The following ZDHHC11B variants were observed in gnomAD, a reference collection of about 807,000 sequenced individuals.
The protein encoded by ZDHHC11B is zDHHC palmitoyltransferase 11B (putative), also known as probable palmitoyltransferase ZDHHC11B.
Under a neutral mutation model 42.3 loss-of-function variants are expected in ZDHHC11B, and 17 were observed. The observed-to-expected ratio is 0.40, with a 90% CI of 0.27 to 0.60. ZDHHC11B has a LOEUF of 0.60. Among genes scored for constraint, ZDHHC11B ranks in the 20% least tolerant of loss-of-function variants. The pLI is 0.41. For missense variants in ZDHHC11B, 262 were observed against 463.2 expected (o/e 0.57, Z 3.99); for synonymous variants, 123 against 193.5 (o/e 0.64, Z 3.02).
intron 1 of ZDHHC11B, among the ~76,000 whole-genome samples, chr5:777,605 T>C (rs1400301713): frequency 6.6e-6 from 1 of 151,942 alleles, no homozygotes; most frequent in Middle Eastern, 3.2e-3. Flanking sequence ...CCCACCCACA[T>C]CCTGCTGATT....
At position 749,300 on chromosome 5, in the gene ZDHHC11B, A is replaced by G. The variant is rs1299743758; in HGVS notation, c.629-741T>C. ...TCCTCTGTGACACTGGGCTGCCAAC[A>G]CTCAAAACCACAACACTTCCAAAAA... On this transcript the variant is annotated intron_variant, in intron 7 of 13. Transcript: ENST00000508859. 3.1e-5 allele frequency among the ~76,000 whole-genome samples: 4 copies of G among 130,384 alleles called. 2 individuals carry two copies. The highest frequency in any genetic ancestry group is 6.8e-5 in the Non-Finnish European group (4 of 58,584). The allele number at this position is 130,384 out of a possible 152,430, so 85.5% of individuals were successfully genotyped here. A position where few individuals can be genotyped will look rare whatever the true frequency, so the allele number is the denominator to read the frequency against.
Position 756,828 on chromosome 5 carries a change from C to T in ZDHHC11B, c.223-684G>A, listed in dbSNP as rs150849215. On this transcript the variant is annotated intron_variant, in intron 4 of 13. Transcript: ENST00000508859. The stretch of plus-strand genomic sequence containing the variant: ...GACCCCAGACGGCTCACTGACGGAC[C>T]CTCTCCCCGAGACTTGCTCAGGGAA... Among the ~76,000 whole-genome samples the T allele has an allele frequency of 2.2e-3, 327 of 151,370 alleles. 1 individual carries two copies. Among genetic ancestry groups the T allele is most frequent in the African/African-American group, 7.1e-3 (292 of 41,044 alleles).
Position 747,784 on chromosome 5 carries a change from C to T in ZDHHC11B, c.784+620G>A, listed in dbSNP as rs1328995328. ...CCACCACTGCCCAGAGAATGGAAGA[C>T]GCTTTGCAGCTGGCCCACCATGACC... is the stretch of plus-strand genomic sequence containing the variant. On this transcript the variant is annotated intron_variant, in intron 8 of 13. Coordinates refer to ENST00000508859, the MANE Select transcript of ZDHHC11B (RefSeq NM_001351303.2). 34 of 178,716 alleles carry T rather than the reference C, an allele frequency of 1.9e-4. 1 individual carries two copies. Among genetic ancestry groups the T allele is most frequent in the East Asian group, 6.7e-4 (4 of 5,970 alleles). 11.1% of individuals were successfully genotyped at this position (178,716 alleles called of 1,614,324 possible). A position where few individuals can be genotyped will look rare whatever the true frequency, so the allele number is the denominator to read the frequency against.
At chr5:755,590 A>C in intron 5 of ZDHHC11B, among the ~76,000 whole-genome samples, 1 of 129,856 alleles carries the variant, frequency 7.7e-6, no homozygotes, top group Non-Finnish European at 1.7e-5. Flanking sequence ...TTGTCTTGAA[A>C]CTCCCCAAGA....
chr5:783,113 TGCCGGC>T (rs1326821047), intron 1 of ZDHHC11B, among the ~76,000 whole-genome samples: 1 of 152,204 alleles, frequency 6.6e-6, no homozygotes, highest in Non-Finnish European at 1.5e-5. Flanking sequence ...AGCGAGTTCA[TGCCGGC>T]GCCTTTCTGA....
chr5:727,546 G>A (rs1385530881), intron 12 of ZDHHC11B, among the ~76,000 whole-genome samples: 3 of 137,090 alleles, frequency 2.2e-5, no homozygotes, highest in African/African-American at 8.0e-5. Context: ...GTGACTGTCG[G>A]ACATTAAAAT....
chr5:754,303 C>CCCCTAT (rs1746250673), intron 6 of ZDHHC11B, among the ~76,000 whole-genome samples: 2 of 128,336 alleles, frequency 1.6e-5, no homozygotes, highest in Non-Finnish European at 1.7e-5. Flanking sequence ...AAACACCTCT[C>CCCCTAT]GCCTATGAGC....
At chr5:725,032 A>G (rs1742473267) in intron 12 of ZDHHC11B, among the ~76,000 whole-genome samples, 1 of 150,328 alleles carries the variant, frequency 6.7e-6, no homozygotes, top group South Asian at 2.1e-4. Flanking sequence ...GTGTCCCCAG[A>G]TTCACAGGCT....
rs374058037 is a variant in ZDHHC11B at position 763,698 on chromosome 5, T to C, written c.222+3000A>G. On this transcript the variant is annotated intron_variant, in intron 4 of 13. Transcript: ENST00000508859. ...CATCTGTAGAGACTTGTTTCGAAAA[T>C]TGGGGAAATGGCCACATGGATAAGA... Among the ~76,000 whole-genome samples the C allele has an allele frequency of 2.1e-4, 32 of 151,870 alleles. No homozygotes were observed. In the East Asian group the frequency reaches 4.1e-3, roughly 19 times the overall value.
chr5:757,964 C>T lies in ZDHHC11B; in HGVS notation c.223-1820G>A, dbSNP rs1431302077. 5.9e-5 allele frequency among the ~76,000 whole-genome samples: 9 copies of T among 151,904 alleles called. 1 individual carries two copies. The highest frequency in any genetic ancestry group is 3.4e-3 in the Middle Eastern group (1 of 294). Reference sequence around the variant, plus strand: ...GAGGAGAGGTCTGCAGGGGCCCCACCGGACTTGGGAGTGGACTGAGGCTGC... The same window carrying T: ...GAGGAGAGGTCTGCAGGGGCCCCACTGGACTTGGGAGTGGACTGAGGCTGC... On this transcript the variant is annotated intron_variant, in intron 4 of 13. Transcript: ENST00000508859.
intron 12 of ZDHHC11B, among the ~76,000 whole-genome samples, chr5:719,921 C>T (rs1742057768): frequency 2.0e-5 from 3 of 151,730 alleles, no homozygotes; most frequent in Non-Finnish European, 4.4e-5. Flanking sequence ...CCTGCTCTGC[C>T]CACCCAGGAC....
chr5:722,073 A>G (rs1742231700), intron 12 of ZDHHC11B, among the ~76,000 whole-genome samples: 1 of 151,774 alleles, frequency 6.6e-6, no homozygotes, highest in Non-Finnish European at 1.5e-5. Context: ...TCAACCAAAC[A>G]TAAAGACTCG....
chr5:751,418 CA>C (rs1745672926), intron 6 of ZDHHC11B, among the ~76,000 whole-genome samples, 161 bp from the exon 7 acceptor site: 3 of 39,298 alleles, frequency 7.6e-5, no homozygotes, highest in African/African-American at 2.4e-4. Flanking sequence ...AGGTGTGGGA[CA>C]GGTGTGGGGG....
intron 1 of ZDHHC11B, among the ~76,000 whole-genome samples, chr5:778,005 G>T (rs1736683602): frequency 6.6e-6 from 1 of 151,924 alleles, no homozygotes; most frequent in Admixed American, 6.6e-5. Context: ...ATTTGAGCAT[G>T]GCGCAGGCGG....
intron 12 of ZDHHC11B, among the ~76,000 whole-genome samples, chr5:717,997 AGAAG>A (rs1741885855): frequency 6.6e-6 from 1 of 151,876 alleles, no homozygotes. Flanking sequence ...AAAATTACAC[AGAAG>A]GAAGTGACAG....
At chr5:719,967 A>G (rs1363365393) in intron 12 of ZDHHC11B, among the ~76,000 whole-genome samples, 1 of 151,778 alleles carries the variant, frequency 6.6e-6, no homozygotes, top group Non-Finnish European at 1.5e-5. Context: ...TCCATGCAGT[A>G]TACACTATCT....
rs408321 is a variant in ZDHHC11B, at chr5:722,991, T to A, written c.1059-6126A>T. 2.7e-3 allele frequency among the ~76,000 whole-genome samples: 410 copies of A among 151,644 alleles called. 20 individuals carry two copies. In the East Asian group the frequency reaches 0.071, roughly 26 times the overall value. On this transcript the variant is annotated intron_variant, in intron 12 of 13. Transcript: ENST00000508859. Reference sequence around the variant, plus strand: ...TGTATGTACTCTTTAGGAATATACATCTATATCTATATAGATATCTAAGGA... The same window carrying A: ...TGTATGTACTCTTTAGGAATATACAACTATATCTATATAGATATCTAAGGA...
intron 1 of ZDHHC11B, among the ~76,000 whole-genome samples, chr5:777,425 C>G (rs984901847): frequency 4.0e-5 from 6 of 151,562 alleles, no homozygotes; most frequent in African/African-American, 1.5e-4. Context: ...CAGACCTTCG[C>G]TGCAGACCTC....
chr5:773,182 G>A (rs1402129121), intron 1 of ZDHHC11B, among the ~76,000 whole-genome samples: 2 of 151,876 alleles, frequency 1.3e-5, no homozygotes, highest in South Asian at 2.1e-4. Context: ...GAGCCTGGGC[G>A]GGCGCCTCTA....
Sources: allele counts gnomAD v4.1 joint callset (sites outside exome capture counted in the v4.1 genomes callset), GRCh38; gene constraint gnomAD v4.1.1; transcripts MANE v1.5; gene names NCBI Gene and HGNC (gene_info 2026-07-23, HGNC 2026-07-21).